The following TMEM132D variants were observed in gnomAD, a reference collection of about 807,000 sequenced individuals.
The protein encoded by TMEM132D is mature OL transmembrane protein.
A neutral mutation model predicts 62.3 loss-of-function variants in TMEM132D; 21 were observed. That is an observed-to-expected ratio of 0.34 (90% confidence interval 0.24 to 0.49). The LOEUF is 0.49. TMEM132D is among the 20% of genes least tolerant of loss of function. The pLI is 0.99. For synonymous variants in TMEM132D, 621 were observed against 575.6 expected (o/e 1.08, Z -1.13); for missense variants, 1,346 against 1,402.8 (o/e 0.96, Z 0.65).
chr12:129,404,115 T>C (rs1871700839), intron 3 of TMEM132D, among the ~76,000 whole-genome samples: 1 of 152,200 alleles, frequency 6.6e-6, no homozygotes, highest in Admixed American at 6.5e-5. Flanking sequence ...GAGGTTTTTC[T>C]TTCTTTTTTA....
chr12:129,643,744 C>T (rs980125497), intron 2 of TMEM132D, among the ~76,000 whole-genome samples: 9 of 152,146 alleles, frequency 5.9e-5, no homozygotes, highest in African/African-American at 4.8e-5. Flanking sequence ...CAAAAGAATG[C>T]AACCATCTGT....
intron 5 of TMEM132D, among the ~76,000 whole-genome samples, chr12:129,188,076 C>T (rs1878270222): frequency 6.6e-6 from 1 of 152,236 alleles, no homozygotes; most frequent in South Asian, 2.1e-4. Context: ...ACAACCCACC[C>T]ATCCTCTTTG....
chr12:129,466,279 C>CTGTTT lies in TMEM132D; in HGVS notation c.1115+64779_1115+64780insAAACA, dbSNP rs1566078686. Among the ~76,000 whole-genome samples, 6 of 100,398 alleles carry CTGTTT rather than the reference C, an allele frequency of 6.0e-5. 3 individuals carry two copies. Among genetic ancestry groups the CTGTTT allele is most frequent in the African/African-American group, 1.5e-4 (4 of 26,220 alleles). The allele number at this position is 100,398 out of a possible 152,430, so 65.9% of individuals were successfully genotyped here. A position where few individuals can be genotyped will look rare whatever the true frequency, so the allele number is the denominator to read the frequency against. ...TATAACAGTGGCTGGTAGATTTTTCCTTTTTTTTTTTTTTTTTTTTTTTTT... is the reference window on the plus strand; with the variant it reads ...TATAACAGTGGCTGGTAGATTTTTCCTGTTTTTTTTTTTTTTTTTTTTTTTTTTTT... On this transcript the variant is annotated intron_variant, in intron 3 of 8. Coordinates refer to ENST00000422113, the MANE Select transcript of TMEM132D (RefSeq NM_133448.3).
At chr12:129,760,420 C>T (rs1489933748) in intron 1 of TMEM132D, among the ~76,000 whole-genome samples, 7 of 149,294 alleles carry the variant, frequency 4.7e-5, no homozygotes, top group African/African-American at 1.7e-4. Flanking sequence ...CAAGCTCCGC[C>T]TCCCGGGTTC....
chr12:129,533,274 A>G (rs1450338010), intron 2 of TMEM132D, among the ~76,000 whole-genome samples: 1 of 152,246 alleles, frequency 6.6e-6, no homozygotes, highest in Non-Finnish European at 1.5e-5. Flanking sequence ...CCAAAAAGCC[A>G]TCTGACCTTT....
chr12:129,890,158 T>C (rs932459328), intron 1 of TMEM132D, among the ~76,000 whole-genome samples: 5 of 152,218 alleles, frequency 3.3e-5, no homozygotes, highest in South Asian at 4.1e-4. Flanking sequence ...GCCCCAGTCC[T>C]ATAAATTGGA....
At chr12:129,493,303 A>T (rs117432340) in intron 3 of TMEM132D, among the ~76,000 whole-genome samples, 3,414 of 152,342 alleles carry the variant, frequency 0.022, 48 homozygotes, top group Middle Eastern at 0.041. Flanking sequence ...AATATCTAAG[A>T]CAGCATTGAA....
chr12:129,410,467 C>A (rs886497325), intron 3 of TMEM132D, among the ~76,000 whole-genome samples: 5 of 152,170 alleles, frequency 3.3e-5, no homozygotes, highest in African/African-American at 1.2e-4. Context: ...TCAAGTGATT[C>A]TCCTGCCTCA....
chr12:129,791,657 C>T (rs112449949), intron 1 of TMEM132D, among the ~76,000 whole-genome samples: 3,247 of 152,116 alleles, frequency 0.021, 50 homozygotes, highest in Non-Finnish European at 0.032. Context: ...ACTGAATTAA[C>T]CCCCCCAGTC....
rs767873541 is a variant in TMEM132D at position 129,337,757 on chromosome 12, G to C, written c.1176C>G (p.Asp392Glu). The C allele has an allele frequency of 6.2e-6, 10 of 1,614,120 alleles. No homozygotes were observed. In the South Asian group the frequency reaches 7.7e-5, roughly 12 times the overall value. The change falls in exon 4 of 9, where the codon GAC becomes GAG. Residue 392 changes from aspartate (D) to glutamate (E), a missense_variant. By Grantham distance (45) the Asp-to-Glu change is conservative. Transcript: ENST00000422113. ...ACGTGACCAGCTGTGTGGCTGGCAG[G>C]TCACCAGGCTCTTCCACCTCCACAT... ...QIDVEVEEPG[D>E]LPATQLVTWQ... is the part of the protein sequence containing the mutation.
In TMEM132D at chr12:129,313,601, A is replaced by G. The variant is rs1228578980; in HGVS notation, c.1299+24033T>C. ...TATATATATATAAGTTTCTTTATCCATTTGTTGATTGATGGGCATTTGGGA... is the reference window on the plus strand; with the variant it reads ...TATATATATATAAGTTTCTTTATCCGTTTGTTGATTGATGGGCATTTGGGA... On this transcript the variant is annotated intron_variant, in intron 4 of 8. Transcript: ENST00000422113. Among the ~76,000 whole-genome samples the G allele has an allele frequency of 2.0e-5, 3 of 151,364 alleles. No individual in the cohort carries two copies. In the East Asian group the frequency reaches 5.8e-4, roughly 29 times the overall value.
At chr12:129,855,190 C>G (rs12424217) in intron 1 of TMEM132D, among the ~76,000 whole-genome samples, 23 of 52,420 alleles carry the variant, frequency 4.4e-4, no homozygotes, top group African/African-American at 6.1e-4. Context: ...AACGGGATGG[C>G]TGCCCTTGTA....
chr12:129,362,439 G>C, intron 3 of TMEM132D, among the ~76,000 whole-genome samples: 1 of 71,718 alleles, frequency 1.4e-5, no homozygotes, highest in Non-Finnish European at 2.7e-5. Flanking sequence ...CCGTCTGAAA[G>C]TGTTTTCCAC....
chr12:129,754,109 A>G (rs1353682736), intron 1 of TMEM132D, among the ~76,000 whole-genome samples: 2 of 152,198 alleles, frequency 1.3e-5, no homozygotes, highest in African/African-American at 4.8e-5. Context: ...GGTTTGAAGA[A>G]GAAGAAGAGA....
At chr12:129,326,309 A>AC (rs1868909261) in intron 4 of TMEM132D, among the ~76,000 whole-genome samples, 2 of 152,132 alleles carry the variant, frequency 1.3e-5, no homozygotes, top group African/African-American at 2.4e-5. Context: ...GGGATTTTCA[A>AC]CCCCCAGAAT....
chr12:129,351,853 A>C (rs1322218790), intron 3 of TMEM132D, among the ~76,000 whole-genome samples: 1 of 152,216 alleles, frequency 6.6e-6, no homozygotes, highest in East Asian at 1.9e-4. Context: ...TGGAGTTAAG[A>C]ACAACCCTCA....
At chr12:129,304,298 T>G (rs1881790819) in intron 4 of TMEM132D, among the ~76,000 whole-genome samples, 1 of 152,008 alleles carries the variant, frequency 6.6e-6, no homozygotes, top group Admixed American at 6.5e-5. Flanking sequence ...TATCCTCCGA[T>G]ACCGTGCAAA....
At chr12:129,693,730 A>G (rs1008894953) in intron 2 of TMEM132D, among the ~76,000 whole-genome samples, 6 of 152,194 alleles carry the variant, frequency 3.9e-5, no homozygotes, top group African/African-American at 1.4e-4. Context: ...TGTAGAGAGC[A>G]TGCGTATTTT....
At chr12:129,859,618 A>G (rs1321535752) in intron 1 of TMEM132D, among the ~76,000 whole-genome samples, 1 of 152,204 alleles carries the variant, frequency 6.6e-6, no homozygotes, top group Non-Finnish European at 1.5e-5. Flanking sequence ...GCGGGCACCA[A>G]CCAATCAGCT....
Sources: allele counts gnomAD v4.1 joint callset (sites outside exome capture counted in the v4.1 genomes callset), GRCh38; gene constraint gnomAD v4.1.1; transcripts MANE v1.5; gene names NCBI Gene and HGNC (gene_info 2026-07-23, HGNC 2026-07-21).